SMG7: variants seen among roughly 807,000 people sequenced by gnomAD.
The protein encoded by SMG7 is SMG7 nonsense mediated mRNA decay factor, also known as nonsense-mediated mRNA decay factor SMG7.
Under a neutral mutation model 148.2 loss-of-function variants are expected in SMG7, and 34 were observed. The observed-to-expected ratio is 0.23, with a 90% CI of 0.17 to 0.31. The LOEUF is 0.31. Among genes scored for constraint, SMG7 ranks in the 10% least tolerant of loss-of-function variants. The pLI, the probability that SMG7 is intolerant of heterozygous loss-of-function variation, is 1.00. For synonymous variants in SMG7, 492 were observed against 515.1 expected (o/e 0.96, Z 0.61); for missense variants, 1,114 against 1,408.4 (o/e 0.79, Z 3.35).
chr1:183,522,793 T>A (rs1228823436), intron 4 of SMG7, among the ~76,000 whole-genome samples: 1 of 151,644 alleles, frequency 6.6e-6, no homozygotes. Flanking sequence ...TTTTTTTTTT[T>A]AAAGACAGGC....
At chr1:183,539,364 A>G (rs1270198356) in intron 12 of SMG7, among the ~76,000 whole-genome samples, 2 of 151,836 alleles carry the variant, frequency 1.3e-5, no homozygotes, top group Admixed American at 6.6e-5. Flanking sequence ...AATTTTTCCC[A>G]CCCTTAGCAC....
chr1:183,537,115 T>G (rs760808961), intron 10 of SMG7, 30 bp from the exon 11 acceptor site: 30 of 1,525,978 alleles, frequency 2.0e-5, no homozygotes, highest in Non-Finnish European at 2.5e-5. Context: ...TACATAAAAA[T>G]AAAGTCTGAA....
Position 183,547,229 on chromosome 1 carries a change from T to A in SMG7, c.2869T>A (p.Ser957Thr). The A allele has an allele frequency of 6.5e-7, 1 of 1,550,158 alleles. No individual in the cohort carries two copies. The highest frequency in any genetic ancestry group is 8.7e-7 in the Non-Finnish European group (1 of 1,146,804). Residue 957 changes from serine to threonine, a missense_variant, in exon 18 of 23, where the codon TCT becomes ACT. Physicochemically the swap from Ser to Thr is moderately conservative, Grantham distance 58. Around this residue, in one of 4 missense-constraint regions of SMG7, gnomAD observed 788 missense variants for 894.5 expected, o/e 0.88. Transcript: ENST00000688051. ...LYPALLGPLA[S>T]LPGRSLFKSL... ...CCCGGCTCTGCTGGGGCCTCTCGCC[T>A]CTCTTCCTGGACGAAGCCTTTTTGT...
At chr1:183,477,064 G>C (rs781738002) in intron 1 of SMG7, among the ~76,000 whole-genome samples, 3 of 152,170 alleles carry the variant, frequency 2.0e-5, no homozygotes, top group Non-Finnish European at 2.9e-5. Context: ...AAGCAGGAGT[G>C]GGGGAAGTAT....
chr1:183,490,509 A>G (rs1470895853), intron 1 of SMG7, among the ~76,000 whole-genome samples: 1 of 152,246 alleles, frequency 6.6e-6, no homozygotes, highest in Non-Finnish European at 1.5e-5. Context: ...TTATAAATGT[A>G]TATCTGCATT....
intron 10 of SMG7, among the ~76,000 whole-genome samples, chr1:183,534,052 A>G (rs1667310284): frequency 6.6e-6 from 1 of 152,200 alleles, no homozygotes; most frequent in Non-Finnish European, 1.5e-5. Context: ...GACTCCTTGT[A>G]CACTCCCTTG....
In SMG7 at chr1:183,526,601, A is replaced by G; in HGVS notation, c.318A>G (p.Leu106=). The change falls in exon 5 of 23, where the codon TTA becomes TTG. Residue 106 remains leucine, a synonymous_variant. Transcript: ENST00000688051. ...EAASGFYTQL[L]QELCTVFNVD... ...TTTGTTTGTTTTTCTTTTAGTTATT[A>G]CAAGAACTGTGTACAGTATTTAATG... 6.3e-7 allele frequency: 1 copy of G among 1,596,400 alleles called. No individual in the cohort carries two copies.
At chr1:183,517,894 C>A in intron 4 of SMG7, 74 bp downstream of exon 4, 2 of 1,431,064 alleles carry the variant, frequency 1.4e-6, no homozygotes, top group Non-Finnish European at 2.0e-6. Context: ...CGTCTTAATG[C>A]ATGTAAACAA....
intron 4 of SMG7, among the ~76,000 whole-genome samples, chr1:183,524,976 A>G (rs900192470): frequency 1.3e-5 from 2 of 152,116 alleles, no homozygotes; most frequent in African/African-American, 4.8e-5. Flanking sequence ...CATGAAGGAA[A>G]CATATTTTCT....
At chr1:183,489,075 A>G (rs1040260201) in intron 1 of SMG7, among the ~76,000 whole-genome samples, 5 of 152,082 alleles carry the variant, frequency 3.3e-5, no homozygotes, top group Admixed American at 1.3e-4. Flanking sequence ...AGATGTTTTC[A>G]CCGACAGAAT....
chr1:183,526,437 AG>A (rs1290872362), intron 4 of SMG7, among the ~76,000 whole-genome samples, 158 bp from the exon 5 acceptor site: 1 of 152,114 alleles, frequency 6.6e-6, no homozygotes, highest in African/African-American at 2.4e-5. Flanking sequence ...TATAGGCGTG[AG>A]CCCCTGTGCC....
chr1:183,477,347 CCTA>C (rs199737147), intron 1 of SMG7, among the ~76,000 whole-genome samples: 2 of 152,040 alleles, frequency 1.3e-5, no homozygotes, highest in East Asian at 3.8e-4. Context: ...GAAGTGGATT[CCTA>C]CTGTTAGACT....
intron 1 of SMG7, among the ~76,000 whole-genome samples, chr1:183,480,395 A>G (rs1327201776): frequency 1.3e-5 from 2 of 151,768 alleles, no homozygotes; most frequent in African/African-American, 4.8e-5. Flanking sequence ...ATCCCTTGCT[A>G]TCAGTCCATT....
chr1:183,547,659 T>TTGA (rs1462636993), intron 18 of SMG7, among the ~76,000 whole-genome samples: 96 of 152,372 alleles, frequency 6.3e-4, no homozygotes, highest in Admixed American at 3.3e-3. Flanking sequence ...GGAAATATGT[T>TTGA]CTTGATTTTT....
At chr1:183,538,240 A>T (rs900398692) in intron 11 of SMG7, 140 bp from the exon 12 acceptor site, 92 of 626,542 alleles carry the variant, frequency 1.5e-4, no homozygotes, top group Non-Finnish European at 2.0e-5. Flanking sequence ...TTTCATCAGG[A>T]TCATGATAAA....
chr1:183,527,748 G>T lies in SMG7; in HGVS notation c.485-208G>T. 1.7e-6 allele frequency: 1 copy of T among 575,708 alleles called. No homozygotes were observed. Among genetic ancestry groups the T allele is most frequent in the South Asian group, 1.5e-5 (1 of 64,554 alleles). 35.7% of individuals were successfully genotyped at this position (575,708 alleles called of 1,614,324 possible). A position where few individuals can be genotyped will look rare whatever the true frequency, so the allele number is the denominator to read the frequency against. ...GGGGTCTAGGTAAGCTTTAAAATTG[G>T]TTACATGCTGAATGTCCCAAATAAG... On this transcript the variant is annotated intron_variant, in intron 5 of 22. Transcript: ENST00000688051. This position sits in a 1 kb window ranked among gnomAD's most constrained non-coding sequence, Gnocchi z 4.0.
chr1:183,512,991 T>C, intron 2 of SMG7, 123 bp downstream of exon 2: 6 of 797,828 alleles, frequency 7.5e-6, no homozygotes, highest in Non-Finnish European at 1.2e-5. Context: ...GGGATGATCA[T>C]TTACTATCTG....
At chr1:183,497,403 C>G (rs1038751119) in intron 1 of SMG7, among the ~76,000 whole-genome samples, 2 of 152,148 alleles carry the variant, frequency 1.3e-5, no homozygotes, top group African/African-American at 2.4e-5. Flanking sequence ...GTCACATTTA[C>G]TGAAGTCCAG....
chr1:183,493,593 T>C (rs1557965158), intron 1 of SMG7, among the ~76,000 whole-genome samples: 1 of 152,196 alleles, frequency 6.6e-6, no homozygotes, highest in Non-Finnish European at 1.5e-5. Context: ...TGTTTTTGTT[T>C]TTTATTGAGA....
Sources: allele counts gnomAD v4.1 joint callset (sites outside exome capture counted in the v4.1 genomes callset), GRCh38; gene constraint gnomAD v4.1.1; regional missense constraint gnomAD v4.1.1; non-coding constraint Gnocchi (gnomAD v3.1); transcripts MANE v1.5; gene names NCBI Gene and HGNC (gene_info 2026-07-23, HGNC 2026-07-21).